SLC8A3: variants seen among roughly 807,000 people sequenced by gnomAD.
SLC8A3 encodes the protein solute carrier family 8 member A3, also known as sodium/calcium exchanger 3.
SLC8A3 carries 37 observed loss-of-function variants against 65.4 expected under a neutral mutation model. That is an observed-to-expected ratio of 0.57 (90% CI 0.44 to 0.74). SLC8A3 has a LOEUF of 0.74. SLC8A3 is among the 30% of genes least tolerant of loss of function. The probability of loss-of-function intolerance (pLI) is 0.00; values close to 1 mark genes in which losing one functional copy is unlikely to be tolerated. For missense variants in SLC8A3, 1,112 were observed against 1,172.1 expected, an observed-to-expected ratio of 0.95 and a Z score of 0.75; for synonymous variants, 461 against 444.5, an observed-to-expected ratio of 1.04 and a Z score of -0.47.
chr14:70,161,027 G>A (rs982452440), intron 2 of SLC8A3, among the ~76,000 whole-genome samples: 8 of 150,290 alleles, frequency 5.3e-5, no homozygotes, highest in African/African-American at 1.2e-4. Flanking sequence ...GGTGGATCAC[G>A]AGGTCAGGAG....
chr14:70,046,133 G>C lies in SLC8A3; in HGVS notation c.2580C>G (p.Thr860=). 3.7e-6 allele frequency: 6 copies of C among 1,614,180 alleles called. No homozygotes were observed. The highest frequency in any genetic ancestry group is 4.2e-6 in the Non-Finnish European group (5 of 1,180,020). Residue 860 remains threonine (T), a synonymous_variant, in exon 7 of 7, where the codon ACC becomes ACG. Coordinates refer to ENST00000356921, the MANE Select transcript of SLC8A3 (RefSeq NM_182932.3). This position sits in a 1 kb window ranked among gnomAD's most constrained non-coding sequence, Gnocchi z 4.2. ...AGACAAATGCAAAGATGGTGAAGAG[G>C]GTGACGGAGAAGGCCAGTGTGCCGG... is the stretch of plus-strand genomic sequence containing the variant. ...VSAGTLAFSV[T]LFTIFAFVCI...
intron 5 of SLC8A3, among the ~76,000 whole-genome samples, chr14:70,049,841 A>T (rs1281889747): frequency 4.6e-5 from 7 of 152,188 alleles, no homozygotes; most frequent in Admixed American, 1.3e-4. Context: ...TATACTGCAG[A>T]GCCAGTGCCC....
rs577158698 is a variant in SLC8A3 at position 70,139,775 on chromosome 14, G to A, written c.1784+26864C>T. 2.4e-4 allele frequency among the ~76,000 whole-genome samples: 36 copies of A among 152,304 alleles called. 1 individual carries two copies. In the South Asian group the frequency reaches 7.2e-3, roughly 31 times the overall value. Reference sequence around the variant, plus strand: ...GGTTAGATGAATGGACCTGACCTAAGGGAAACATGATTGCCCCTTTGAGAG... The same window carrying A: ...GGTTAGATGAATGGACCTGACCTAAAGGAAACATGATTGCCCCTTTGAGAG... On this transcript the variant is annotated intron_variant, in intron 2 of 6. Coordinates refer to ENST00000356921, the MANE Select transcript of SLC8A3 (RefSeq NM_182932.3).
chr14:70,087,420 A>T (rs2140038080), intron 2 of SLC8A3, among the ~76,000 whole-genome samples: 1 of 152,328 alleles, frequency 6.6e-6, no homozygotes, highest in Admixed American at 6.5e-5. Flanking sequence ...CCCAGAAGTC[A>T]TATAAACACT....
At chr14:70,187,622 TG>T (rs1566843410) in intron 1 of SLC8A3, among the ~76,000 whole-genome samples, 7 of 128,980 alleles carry the variant, frequency 5.4e-5, no homozygotes, top group African/African-American at 7.7e-5. Context: ...TGTGTGTGTG[TG>T]TGTGTGTGTG....
At chr14:70,175,367 C>T (rs1462681741) in intron 1 of SLC8A3, among the ~76,000 whole-genome samples, 2 of 152,124 alleles carry the variant, frequency 1.3e-5, no homozygotes, top group Admixed American at 6.5e-5. Flanking sequence ...TCATAATTTA[C>T]CCAAGGTCTA....
chr14:70,139,440 T>C (rs1203963461), intron 2 of SLC8A3, among the ~76,000 whole-genome samples: 1 of 152,174 alleles, frequency 6.6e-6, no homozygotes, highest in Non-Finnish European at 1.5e-5. Flanking sequence ...TTACAAGAGC[T>C]AGTGTAATCC....
At chr14:70,168,581 C>T (rs972868050) in intron 1 of SLC8A3, 97 bp from the exon 2 acceptor site, 1 of 609,372 alleles carries the variant, frequency 1.6e-6, no homozygotes, top group Non-Finnish European at 2.9e-6. Flanking sequence ...CCTCCAGTGA[C>T]ATATTGCACT....
intron 1 of SLC8A3, among the ~76,000 whole-genome samples, chr14:70,168,992 T>A (rs1429714732): frequency 6.6e-6 from 1 of 152,200 alleles, no homozygotes; most frequent in African/African-American, 2.4e-5. Context: ...TATACATATT[T>A]CCTTGGCCTT....
intron 2 of SLC8A3, among the ~76,000 whole-genome samples, chr14:70,071,678 G>T (rs1009285380): frequency 6.6e-6 from 1 of 152,180 alleles, no homozygotes; most frequent in Non-Finnish European, 1.5e-5. Flanking sequence ...CGAGAACTTG[G>T]ACAGAGAACC....
chr14:70,073,417 G>A (rs1392857231), intron 2 of SLC8A3, among the ~76,000 whole-genome samples: 1 of 152,040 alleles, frequency 6.6e-6, no homozygotes, highest in Non-Finnish European at 1.5e-5. Context: ...AGGGGGCTGG[G>A]GTGAGGGAGA....
intron 2 of SLC8A3, among the ~76,000 whole-genome samples, chr14:70,160,015 A>G (rs1221797656): frequency 6.6e-6 from 1 of 152,244 alleles, no homozygotes; most frequent in Non-Finnish European, 1.5e-5. Context: ...ACGGGTAGAA[A>G]ATATTTGAAA....
intron 2 of SLC8A3, among the ~76,000 whole-genome samples, chr14:70,130,018 T>A (rs1263333544): frequency 1.3e-5 from 2 of 152,216 alleles, no homozygotes; most frequent in Non-Finnish European, 2.9e-5. Flanking sequence ...CAGCAGTATT[T>A]CCTCCTCTAG....
intron 2 of SLC8A3, among the ~76,000 whole-genome samples, chr14:70,119,009 C>T (rs545000825): frequency 6.2e-4 from 95 of 152,224 alleles, no homozygotes; most frequent in African/African-American, 2.1e-3. Flanking sequence ...TCATACACCT[C>T]GAGCCCCTCA....
intron 1 of SLC8A3, among the ~76,000 whole-genome samples, chr14:70,179,220 T>G (rs191709753): frequency 5.3e-5 from 8 of 152,316 alleles, no homozygotes; most frequent in Admixed American, 1.3e-4. Context: ...GCCCATCTTA[T>G]CTAAAGGCAA....
rs147933517 is a variant in SLC8A3 at position 70,063,465 on chromosome 14, C to A, written c.1785-2526G>T. 2.2e-4 allele frequency among the ~76,000 whole-genome samples: 34 copies of A among 152,324 alleles called. 1 individual carries two copies. The highest frequency in any genetic ancestry group is 7.5e-4 in the African/African-American group (31 of 41,572). On this transcript the variant is annotated intron_variant, in intron 2 of 6. Coordinates refer to ENST00000356921, the MANE Select transcript of SLC8A3 (RefSeq NM_182932.3). ...CTGGGCTATGTGGTCCCTTTTCCCCCCTTTATGCCCAGCCATTCTGGAGAA... is the reference window on the plus strand; with the variant it reads ...CTGGGCTATGTGGTCCCTTTTCCCCACTTTATGCCCAGCCATTCTGGAGAA...
At chr14:70,146,749 CAT>C (rs763084242) in intron 2 of SLC8A3, among the ~76,000 whole-genome samples, 34 of 152,142 alleles carry the variant, frequency 2.2e-4, no homozygotes, top group Non-Finnish European at 4.0e-4. Flanking sequence ...ACGTTTTTCA[CAT>C]GTTTGTGTTT....
At chr14:70,107,479 G>C (rs1283017440) in intron 2 of SLC8A3, among the ~76,000 whole-genome samples, 3 of 152,050 alleles carry the variant, frequency 2.0e-5, no homozygotes, top group African/African-American at 4.8e-5. Flanking sequence ...CAGTCTCACT[G>C]TAGGGAGACA....
intron 2 of SLC8A3, among the ~76,000 whole-genome samples, chr14:70,081,576 G>T (rs1891055318): frequency 6.6e-6 from 1 of 152,166 alleles, no homozygotes; most frequent in African/African-American, 2.4e-5. Flanking sequence ...AGGCTATGTG[G>T]GTCATCAAGG....
Sources: gnomAD v4.1 joint callset for allele counts (sites outside exome capture counted in the v4.1 genomes callset) on GRCh38, gnomAD v4.1.1 for gene constraint, Gnocchi (gnomAD v3.1) non-coding constraint, MANE v1.5 for transcripts, NCBI Gene and HGNC (gene_info 2026-07-23, HGNC 2026-07-21) for gene names.